Variants in CNTN2 observed in about 807,000 individuals in gnomAD.
CNTN2 encodes the protein contactin 2.
A neutral mutation model predicts 117.5 loss-of-function variants in CNTN2; 53 were observed. That is an observed-to-expected ratio of 0.45 (90% CI 0.36 to 0.57). The LOEUF is 0.57. CNTN2 is among the 20% of genes least tolerant of loss of function. The pLI is 0.00. For synonymous variants in CNTN2, 530 were observed against 561.7 expected, an observed-to-expected ratio of 0.94 and a Z score of 0.80; for missense variants, 1,106 against 1,404.3, an observed-to-expected ratio of 0.79 and a Z score of 3.39.
chr1:205,047,443 G>C (rs1310936946), intron 1 of CNTN2, among the ~76,000 whole-genome samples: 1 of 152,152 alleles, frequency 6.6e-6, no homozygotes, highest in African/African-American at 2.4e-5. Flanking sequence ...CTTAGGCAAA[G>C]GAAAAGGTAC....
rs542983417 is a variant in CNTN2 at position 205,061,395 on chromosome 1, C to T, written c.948C>T (p.Thr316=). The T allele has an allele frequency of 3.7e-6, 6 of 1,612,572 alleles. No homozygotes were observed. Among genetic ancestry groups the T allele is most frequent in the East Asian group, 2.2e-5 (1 of 44,818 alleles). Residue 316 remains threonine, a synonymous_variant, in exon 8 of 23, where the codon ACC becomes ACT. Transcript: ENST00000331830. The surrounding 1 kb of genome is among the most constrained non-coding windows in gnomAD (Gnocchi z 4.8). ...CEAENSKGRD[T]VQGRIIVQAQ... ...CGGAGAACTCCAAGGGCCGAGACAC[C>T]GTGCAGGGCCGCATCATCGTGCAGG...
intron 20 of CNTN2, 23 bp downstream of exon 20, chr1:205,072,156 G>A (rs888060404): frequency 6.3e-7 from 1 of 1,584,916 alleles, no homozygotes; most frequent in East Asian, 2.2e-5. Context: ...GCCTGGGGTG[G>A]GGGTAGGGCA....
In CNTN2 at chr1:205,065,693, T is replaced by A; in HGVS notation, c.1696-96T>A. 1.7e-6 allele frequency: 1 copy of A among 594,852 alleles called. No homozygotes were observed. The allele number at this position is 594,852 out of a possible 1,614,324, so 36.8% of individuals were successfully genotyped here. A position where few individuals can be genotyped will look rare whatever the true frequency, so the allele number is the denominator to read the frequency against. Reference sequence around the variant, plus strand: ...AGTGGGGTCCATGGATGTCATGGAGTAGGGGACTCCCAAGCGCTGCCTCAT... The same window carrying A: ...AGTGGGGTCCATGGATGTCATGGAGAAGGGGACTCCCAAGCGCTGCCTCAT... On this transcript the variant is annotated intron_variant, in intron 13 of 22. Coordinates refer to ENST00000331830, the MANE Select transcript of CNTN2 (RefSeq NM_005076.5). The surrounding 1 kb of genome is among the most constrained non-coding windows in gnomAD (Gnocchi z 4.1).
rs528298245 is a variant in CNTN2, at chr1:205,059,009, G to A, written c.488-75G>A. 7.4e-7 allele frequency: 1 copy of A among 1,351,382 alleles called. No individual in the cohort carries two copies. Among genetic ancestry groups the A allele is most frequent in the Non-Finnish European group, 1.0e-6 (1 of 955,590 alleles). 83.7% of individuals were successfully genotyped at this position (1,351,382 alleles called of 1,614,324 possible). ...GGACAGGGCTTGCAGAACCGCACCA[G>A]CATGCTGGGGTCCCACCCAGAGTGG... On this transcript the variant is annotated intron_variant, in intron 5 of 22. Coordinates refer to ENST00000331830, the MANE Select transcript of CNTN2 (RefSeq NM_005076.5). The surrounding 1 kb of genome is among the most constrained non-coding windows in gnomAD (Gnocchi z 5.6).
chr1:205,073,233 G>A lies in CNTN2; in HGVS notation c.3010G>A (p.Gly1004Arg). 1 of 1,613,910 alleles carries A rather than the reference G, an allele frequency of 6.2e-7. No individual in the cohort carries two copies. The highest frequency in any genetic ancestry group is 8.5e-7 in the Non-Finnish European group (1 of 1,179,972). The change falls in exon 22 of 23, where the codon GGA becomes AGA. Residue 1004 changes from glycine (G) to arginine (R), a missense_variant. Physicochemically the swap from Gly to Arg is moderately radical, Grantham distance 125. Coordinates refer to ENST00000331830, the MANE Select transcript of CNTN2 (RefSeq NM_005076.5). The surrounding 1 kb of genome is among the most constrained non-coding windows in gnomAD (Gnocchi z 6.3). ...TGCAGAAGTCCACATCGTGAGGAAT[G>A]GAGGTGCTGCTCCTCCCCTACCCTT... ...IPAEVHIVRNGGTSMMVENMA... is the reference protein window; with the variant it reads ...IPAEVHIVRNRGTSMMVENMA...
intron 16 of CNTN2, chr1:205,068,176 G>A (rs1016573602): frequency 2.0e-5 from 3 of 152,192 alleles, no homozygotes; most frequent in African/African-American, 7.2e-5. Flanking sequence ...GGGAGGCACA[G>A]GCTCCAGTCA....
In CNTN2 at chr1:205,058,855, G is replaced by A. The variant is rs184755160; in HGVS notation, c.487+192G>A. ...CTTTCCATCGTTGTGCCCTGCTTCC[G>A]CCTTCAAACTGGGTGGCCCCTGAGG... On this transcript the variant is annotated intron_variant, in intron 5 of 22. Coordinates refer to ENST00000331830, the MANE Select transcript of CNTN2 (RefSeq NM_005076.5). The surrounding 1 kb of genome is among the most constrained non-coding windows in gnomAD (Gnocchi z 4.3). 31 of 664,286 alleles carry A rather than the reference G, an allele frequency of 4.7e-5. 1 individual carries two copies. Among genetic ancestry groups the A allele is most frequent in the Middle Eastern group, 3.8e-4 (1 of 2,632 alleles). 41.1% of individuals were successfully genotyped at this position (664,286 alleles called of 1,614,324 possible).
In CNTN2 at chr1:205,073,998, A is replaced by G. The variant is rs1654736547; in HGVS notation, c.*233A>G. 6.7e-6 allele frequency: 4 copies of G among 599,392 alleles called. No homozygotes were observed. The highest frequency in any genetic ancestry group is 8.9e-6 in the Non-Finnish European group (3 of 336,758). 37.1% of individuals were successfully genotyped at this position (599,392 alleles called of 1,614,324 possible). ...GAGGCACCAGGCAGTAACTTCCATG[A>G]TGACACTGACGCCTATACCTGAGCT... On this transcript the variant is annotated 3_prime_UTR_variant, in exon 23 of 23. Transcript: ENST00000331830. The surrounding 1 kb of genome is among the most constrained non-coding windows in gnomAD (Gnocchi z 6.3).
At chr1:205,046,492 C>T (rs1336311641) in intron 1 of CNTN2, among the ~76,000 whole-genome samples, 1 of 152,206 alleles carries the variant, frequency 6.6e-6, no homozygotes, top group African/African-American at 2.4e-5. Flanking sequence ...GGCTGGAGGG[C>T]AGCCTTCCTG....
chr1:205,061,631 A>G lies in CNTN2; in HGVS notation c.973+211A>G. 4.0e-6 allele frequency: 3 copies of G among 757,628 alleles called. No homozygotes were observed. Among genetic ancestry groups the G allele is most frequent in the Non-Finnish European group, 4.1e-6 (2 of 490,996 alleles). 46.9% of individuals were successfully genotyped at this position (757,628 alleles called of 1,614,324 possible). Reference sequence around the variant, plus strand: ...TCAGTCAGGGGTGCAGAAAGCACACAGGAGGCTCCAGAATGATTTAAGTTG... The same window carrying G: ...TCAGTCAGGGGTGCAGAAAGCACACGGGAGGCTCCAGAATGATTTAAGTTG... On this transcript the variant is annotated intron_variant, in intron 8 of 22. Transcript: ENST00000331830. The surrounding 1 kb of genome is among the most constrained non-coding windows in gnomAD (Gnocchi z 4.8).
chr1:205,051,760 G>C (rs1040662297), intron 1 of CNTN2, among the ~76,000 whole-genome samples: 37 of 152,182 alleles, frequency 2.4e-4, no homozygotes, highest in Admixed American at 1.3e-4. Context: ...GGAAAAGGTT[G>C]TGGAGTGGTC....
In CNTN2 at chr1:205,064,891, CT is replaced by C; in HGVS notation, c.1519+142del. On this transcript the variant is annotated intron_variant, in intron 12 of 22. Transcript: ENST00000331830. ...ATTCAGTTTTGCTTGGGACCACCCCCTGGCCACCACTGAGACTCTGGTCATG... is the reference window on the plus strand; with the variant it reads ...ATTCAGTTTTGCTTGGGACCACCCCCGGCCACCACTGAGACTCTGGTCATG... 2.3e-6 allele frequency: 3 copies of C among 1,322,114 alleles called. No individual in the cohort carries two copies. In the African/African-American group the frequency reaches 4.4e-5, roughly 19 times the overall value. The allele number at this position is 1,322,114 out of a possible 1,614,324, so 81.9% of individuals were successfully genotyped here.
chr1:205,070,042 C>A lies in CNTN2; in HGVS notation c.2412C>A (p.Leu804=), dbSNP rs753589096. 2 of 1,613,770 alleles carry A rather than the reference C, an allele frequency of 1.2e-6. No individual in the cohort carries two copies. Among genetic ancestry groups the A allele is most frequent in the South Asian group, 2.2e-5 (2 of 91,078 alleles). ...ATGGGCCCGAGAGCCTCACTGCACT[C>A]GTGTACTCAGCTGAGGAAGGTGGGC... ...RGDGPESLTA[L]VYSAEEEPRV... The change falls in exon 18 of 23, where the codon CTC becomes CTA. Residue 804 remains leucine (L), a synonymous_variant. Coordinates refer to ENST00000331830, the MANE Select transcript of CNTN2 (RefSeq NM_005076.5).
rs369599797 is a variant in CNTN2 at position 205,059,629 on chromosome 1, G to A, written c.744G>A (p.Glu248=). 9 of 1,614,020 alleles carry A rather than the reference G, an allele frequency of 5.6e-6. No individual in the cohort carries two copies. In the African/African-American group the frequency reaches 8.0e-5, roughly 14 times the overall value. ...APSIKARFPA[E]TYALVGQQVT... ...GCATCAAGGCCCGGTTCCCAGCAGA[G>A]ACCTATGCACTGGTGGGGCAGCAGG... The change falls in exon 7 of 23, where the codon GAG becomes GAA. Residue 248 remains glutamate, a synonymous_variant. Transcript: ENST00000331830. The surrounding 1 kb of genome is among the most constrained non-coding windows in gnomAD (Gnocchi z 5.6).
chr1:205,048,461 G>A lies in CNTN2; in HGVS notation c.-86-4639G>A, dbSNP rs548040718. On this transcript the variant is annotated intron_variant, in intron 1 of 22. Transcript: ENST00000331830. This position sits in a 1 kb window ranked among gnomAD's most constrained non-coding sequence, Gnocchi z 4.1. ...CCAGTGGTCCACTCCCCCATGTGCT[G>A]GTGCCTTGCAGGACCAGCCCCTGCT... Among the ~76,000 whole-genome samples the A allele has an allele frequency of 6.6e-6, 1 of 151,992 alleles. No individual in the cohort carries two copies. The highest frequency in any genetic ancestry group is 2.4e-5 in the African/African-American group (1 of 41,354).
rs1231718768 is a variant in CNTN2 at position 205,072,972 on chromosome 1, G to C, written c.2845-96G>C. On this transcript the variant is annotated intron_variant, in intron 21 of 22. Transcript: ENST00000331830. ...GAGGAGGCTGGACCTCAAGAGCCCAGAACCATCGGGTCTCCTCCCAGTACC... is the reference window on the plus strand; with the variant it reads ...GAGGAGGCTGGACCTCAAGAGCCCACAACCATCGGGTCTCCTCCCAGTACC... The C allele has an allele frequency of 3.6e-6, 5 of 1,377,668 alleles. No individual in the cohort carries two copies. The East Asian group carries it at 1.2e-4, about 33-fold the overall frequency. 85.3% of individuals were successfully genotyped at this position (1,377,668 alleles called of 1,614,324 possible).
Position 205,074,202 on chromosome 1 carries a change from A to G in CNTN2, c.*437A>G. 1 of 433,646 alleles carries G rather than the reference A, an allele frequency of 2.3e-6. No homozygotes were observed. The allele number at this position is 433,646 out of a possible 1,614,324, so 26.9% of individuals were successfully genotyped here. A position where few individuals can be genotyped will look rare whatever the true frequency, so the allele number is the denominator to read the frequency against. On this transcript the variant is annotated 3_prime_UTR_variant, in exon 23 of 23. Coordinates refer to ENST00000331830, the MANE Select transcript of CNTN2 (RefSeq NM_005076.5). ...GTTGAAGAACTGGAGCGAAGTGCAC[A>G]CCTCACCATCCTTCAGTCTAAGGAA...
In CNTN2 at chr1:205,048,910, CGT is replaced by C. The variant is rs4017875; in HGVS notation, c.-86-4141_-86-4140del. ...GCTCCAGCCTTTAGCCCAGACTCTGCGTGTGTGTGTGTGTGTGTGTGTGTGTG... is the reference window on the plus strand; with the variant it reads ...GCTCCAGCCTTTAGCCCAGACTCTGCGTGTGTGTGTGTGTGTGTGTGTGTG... On this transcript the variant is annotated intron_variant, in intron 1 of 22. Coordinates refer to ENST00000331830, the MANE Select transcript of CNTN2 (RefSeq NM_005076.5). The surrounding 1 kb of genome is among the most constrained non-coding windows in gnomAD (Gnocchi z 4.1). Among the ~76,000 whole-genome samples, 34,809 of 127,362 alleles carry C rather than the reference CGT, an allele frequency of 0.27. 4,805 individuals carry two copies. Among genetic ancestry groups the C allele is most frequent in the Non-Finnish European group, 0.35 (20,475 of 59,322 alleles). The allele number at this position is 127,362 out of a possible 152,430, so 83.6% of individuals were successfully genotyped here. A position where few individuals can be genotyped will look rare whatever the true frequency, so the allele number is the denominator to read the frequency against.
chr1:205,053,752 A>G (rs180941346), intron 2 of CNTN2, among the ~76,000 whole-genome samples: 8 of 152,390 alleles, frequency 5.2e-5, no homozygotes, highest in Admixed American at 2.0e-4. Flanking sequence ...TCTCCCAGAC[A>G]GGGCTCTGTA....
Sources: allele counts gnomAD v4.1 joint callset (sites outside exome capture counted in the v4.1 genomes callset), GRCh38; gene constraint gnomAD v4.1.1; non-coding constraint Gnocchi (gnomAD v3.1); transcripts MANE v1.5; gene names NCBI Gene and HGNC (gene_info 2026-07-23, HGNC 2026-07-21).